Variants in FSD1L observed in about 807,000 individuals in gnomAD.
The protein encoded by FSD1L is fibronectin type III and SPRY domain containing 1 like, also known as FSD1-like protein.
A neutral mutation model predicts 71.6 loss-of-function variants in FSD1L; 45 were observed. The observed-to-expected ratio is 0.63, with a 90% CI of 0.49 to 0.81. The LOEUF (loss-of-function observed/expected upper bound fraction) is 0.81, where lower values mean the gene tolerates loss of function less well. Among genes scored for constraint, FSD1L ranks in the 30% least tolerant of loss-of-function variants. FSD1L has a pLI of 0.00. For synonymous variants in FSD1L, 197 were observed against 207.2 expected (o/e 0.95, Z 0.42); for missense variants, 561 against 618.1 (o/e 0.91, Z 0.98).
intron 1 of FSD1L, among the ~76,000 whole-genome samples, chr9:105,449,020 C>T (rs1450047306): frequency 1.3e-5 from 2 of 152,150 alleles, no homozygotes; most frequent in East Asian, 1.9e-4. Flanking sequence ...ATGAAAATAA[C>T]CACCCTGTTC....
intron 3 of FSD1L, among the ~76,000 whole-genome samples, chr9:105,467,784 C>T (rs1322400281): frequency 6.6e-6 from 1 of 152,190 alleles, no homozygotes; most frequent in Non-Finnish European, 1.5e-5. Context: ...ATTAAAATCT[C>T]TGGAATATTT....
chr9:105,508,642 G>T lies in FSD1L; in HGVS notation c.822G>T (p.Met274Ile). Residue 274 changes from methionine (M) to isoleucine (I), a missense_variant, in exon 9 of 14, where the codon ATG becomes ATT. Coordinates refer to ENST00000481272, the MANE Select transcript of FSD1L (RefSeq NM_001145313.3). ...GCTTAAAATTTGATTCAAAGTATAT[G>T]AATTTCAGAGTGCGAGCTTGTAACA... Reference protein sequence around the residue: ...LSGLKFDSKYMNFRVRACNKA... With the variant: ...LSGLKFDSKYINFRVRACNKA... The T allele has an allele frequency of 6.4e-7, 1 of 1,551,038 alleles. No homozygotes were observed. Among genetic ancestry groups the T allele is most frequent in the South Asian group, 1.2e-5 (1 of 83,976 alleles).
chr9:105,541,069 T>C (rs1039093433), intron 13 of FSD1L, among the ~76,000 whole-genome samples: 3 of 152,132 alleles, frequency 2.0e-5, no homozygotes, highest in African/African-American at 7.2e-5. Context: ...TTCTCAACTA[T>C]AAGGAGAAAG....
chr9:105,468,304 C>T lies in FSD1L; in HGVS notation c.319C>T (p.Arg107Cys), dbSNP rs200324817. 2.7e-4 allele frequency: 404 copies of T among 1,490,286 alleles called. No homozygotes were observed. Among genetic ancestry groups the T allele is most frequent in the Non-Finnish European group, 3.3e-4 (373 of 1,125,678 alleles). 92.3% of individuals were successfully genotyped at this position (1,490,286 alleles called of 1,614,324 possible). Residue 107 changes from arginine (R) to cysteine (C), a missense_variant, in exon 4 of 14, where the codon CGT (arginine) becomes TGT (cysteine). By Grantham distance (180) the Arg-to-Cys change is radical. Around this residue, in one of 3 missense-constraint regions of FSD1L, gnomAD observed 410 missense variants for 413.5 expected, o/e 0.99. Transcript: ENST00000481272. The part of the protein sequence containing the change: ...MINCIKQEQA[R>C]KSQELQSQIS... ...TAACTGTATCAAGCAGGAACAAGCT[C>T]GTAAATCCCAAGAGTTACAGGTGAG...
intron 10 of FSD1L, chr9:105,526,306 C>G (rs1564141138): frequency 1.9e-6 from 3 of 1,609,156 alleles, no homozygotes. Flanking sequence ...TTTTGCAGCA[C>G]AGGTTTTTTC....
intron 10 of FSD1L, chr9:105,530,514 A>T (rs921347868): frequency 4.5e-6 from 3 of 670,060 alleles, no homozygotes; most frequent in Non-Finnish European, 2.7e-6. Context: ...TAAGTTACAA[A>T]TTTTTAAAAA....
intron 10 of FSD1L, chr9:105,524,105 G>C: frequency 6.2e-7 from 1 of 1,612,078 alleles, no homozygotes; most frequent in Middle Eastern, 2.2e-4. Flanking sequence ...CAAGAGATGA[G>C]CCCTCTGGTC....
At chr9:105,539,723 A>T (rs1836487952) in intron 13 of FSD1L, among the ~76,000 whole-genome samples, 1 of 152,064 alleles carries the variant, frequency 6.6e-6, no homozygotes, top group South Asian at 2.1e-4. Flanking sequence ...TTAATACCCT[A>T]AATTTACTTC....
upstream of FSD1L, among the ~76,000 whole-genome samples, chr9:105,446,156 C>T (rs935302974): frequency 1.1e-4 from 16 of 151,992 alleles, no homozygotes; most frequent in African/African-American, 3.9e-4. Flanking sequence ...GATGTAATGA[C>T]AACATTGTAG....
intron 10 of FSD1L, among the ~76,000 whole-genome samples, chr9:105,527,745 T>G (rs749959312): frequency 3.3e-5 from 5 of 150,366 alleles, no homozygotes; most frequent in Non-Finnish European, 7.4e-5. Flanking sequence ...AAGACAAGGA[T>G]GCCCTCTCTC....
chr9:105,534,715 C>A, intron 11 of FSD1L, 122 bp downstream of exon 11: 1 of 623,996 alleles, frequency 1.6e-6, no homozygotes, highest in Non-Finnish European at 2.8e-6. Context: ...AAATTTCTCC[C>A]AATTGAAGCC....
intron 2 of FSD1L, among the ~76,000 whole-genome samples, chr9:105,462,720 A>G (rs1408798009): frequency 1.4e-3 from 194 of 137,486 alleles, no homozygotes; most frequent in Middle Eastern, 4.5e-3. Flanking sequence ...ACGGGGTTTC[A>G]CCATGTTGGC....
At chr9:105,469,056 G>A (rs1368550103) in intron 4 of FSD1L, among the ~76,000 whole-genome samples, 1 of 152,126 alleles carries the variant, frequency 6.6e-6, no homozygotes, top group Non-Finnish European at 1.5e-5. Flanking sequence ...TCAGCATAAT[G>A]TCCTCAAGAT....
chr9:105,502,884 ATTTT>A (rs60907043), intron 7 of FSD1L, among the ~76,000 whole-genome samples: 3 of 135,190 alleles, frequency 2.2e-5, no homozygotes, highest in African/African-American at 2.7e-5. Context: ...CTGTAATAAG[ATTTT>A]TTTTTTTTTT....
chr9:105,494,429 C>G (rs1440116699), intron 7 of FSD1L, among the ~76,000 whole-genome samples: 1 of 152,150 alleles, frequency 6.6e-6, no homozygotes, highest in Non-Finnish European at 1.5e-5. Flanking sequence ...TTTTCAACTT[C>G]TTTGCCTTTG....
chr9:105,524,181 C>T, intron 10 of FSD1L: 1 of 1,612,232 alleles, frequency 6.2e-7, no homozygotes, highest in Middle Eastern at 2.3e-4. Context: ...CCATGAGTCT[C>T]ATCATCCTCA....
At chr9:105,544,947 T>A (rs545802909) in intron 13 of FSD1L, among the ~76,000 whole-genome samples, 1 of 152,324 alleles carries the variant, frequency 6.6e-6, no homozygotes, top group South Asian at 2.1e-4. Flanking sequence ...AAAGTAGTTT[T>A]TTCCCATTCT....
chr9:105,536,112 A>C (rs1445291745), intron 12 of FSD1L, among the ~76,000 whole-genome samples: 2 of 152,256 alleles, frequency 1.3e-5, no homozygotes, highest in Non-Finnish European at 2.9e-5. Flanking sequence ...CTATCTCTGC[A>C]GGTAGTTGCC....
chr9:105,489,636 C>T (rs1162072717), intron 7 of FSD1L, among the ~76,000 whole-genome samples: 1 of 152,154 alleles, frequency 6.6e-6, no homozygotes, highest in Non-Finnish European at 1.5e-5. Flanking sequence ...GGTATATCTC[C>T]TAAAGCTATC....
Sources: gnomAD v4.1 joint callset for allele counts (sites outside exome capture counted in the v4.1 genomes callset) on GRCh38, gnomAD v4.1.1 for gene constraint, gnomAD v4.1.1 regional missense constraint, MANE v1.5 for transcripts, NCBI Gene and HGNC (gene_info 2026-07-23, HGNC 2026-07-21) for gene names.